Variants in TRRAP observed in about 807,000 individuals in gnomAD.
TRRAP encodes transformation/transcription domain associated protein, also known as transformation/transcription domain-associated protein.
A neutral mutation model predicts 438.8 loss-of-function variants in TRRAP; 41 were observed. The observed-to-expected ratio is 0.09, with a 90% CI of 0.07 to 0.12. The LOEUF (loss-of-function observed/expected upper bound fraction) is 0.12. Among genes scored for constraint, TRRAP ranks in the 10% least tolerant of loss-of-function variants. The pLI, the probability that TRRAP is intolerant of heterozygous loss-of-function variation, is 1.00. For missense variants in TRRAP, 3,122 were observed against 5,055.1 expected, an observed-to-expected ratio of 0.62 and a Z score of 11.60; for synonymous variants, 1,994 against 1,962.9, an observed-to-expected ratio of 1.02 and a Z score of -0.42.
chr7:98,918,584 A>G (rs1789635335), intron 20 of TRRAP, among the ~76,000 whole-genome samples: 1 of 152,064 alleles, frequency 6.6e-6, no homozygotes, highest in Admixed American at 6.6e-5. Flanking sequence ...TGGTTACTAT[A>G]CGGCCACCAT....
At chr7:98,960,631 G>A (rs537465908) in intron 45 of TRRAP, among the ~76,000 whole-genome samples, 10 of 151,892 alleles carry the variant, frequency 6.6e-5, no homozygotes, top group African/African-American at 1.4e-4. Flanking sequence ...TCACTCTGTC[G>A]CCCAGGCTGG....
At position 98,988,948 on chromosome 7, in the gene TRRAP, G is replaced by A. The variant is rs756364024; in HGVS notation, c.9573G>A (p.Ser3191=). 283 of 1,613,600 alleles carry A rather than the reference G, an allele frequency of 1.8e-4. No homozygotes were observed. The highest frequency in any genetic ancestry group is 2.3e-4 in the Non-Finnish European group (275 of 1,179,894). The change falls in exon 63 of 73, where the codon TCG becomes TCA. Residue 3191 remains serine, a synonymous_variant. Transcript: ENST00000456197. Reference sequence around the variant, plus strand: ...GCCGGCATCAGAACGAGAGCAAATCGAGGAAATACTTAGCCAAGGTGAGAC... The same window carrying A: ...GCCGGCATCAGAACGAGAGCAAATCAAGGAAATACTTAGCCAAGGTGAGAC... ...HACRHQNESK[S]RKYLAKVLWL...
chr7:98,949,600 GC>G lies in TRRAP; in HGVS notation c.4953+24del. Reference sequence around the variant, plus strand: ...CATCAAGGTAGCGCCCCTTCCTCCAGCCCCCAATGCCCAGGGGTTTAATCGA... The same window carrying G: ...CATCAAGGTAGCGCCCCTTCCTCCAGCCCCAATGCCCAGGGGTTTAATCGA... On this transcript the variant is annotated intron_variant, in intron 36 of 72. Transcript: ENST00000456197. 6.3e-7 allele frequency: 1 copy of G among 1,584,378 alleles called. No individual in the cohort carries two copies. Among genetic ancestry groups the G allele is most frequent in the Admixed American group, 1.8e-5 (1 of 55,882 alleles).
At chr7:98,905,932 T>A (rs1465335179) in intron 12 of TRRAP, among the ~76,000 whole-genome samples, 1 of 152,162 alleles carries the variant, frequency 6.6e-6, no homozygotes, top group Non-Finnish European at 1.5e-5. Context: ...TTATTCTTAA[T>A]TTGATCTCTG....
At chr7:98,914,718 CA>C (rs71118646) in intron 18 of TRRAP, among the ~76,000 whole-genome samples, 894 of 41,214 alleles carry the variant, frequency 0.022, no homozygotes, top group South Asian at 0.051. Context: ...GACCCTGTCT[CA>C]AAAAAAAAAA....
intron 12 of TRRAP, among the ~76,000 whole-genome samples, chr7:98,904,551 A>G (rs1185938900): frequency 6.6e-6 from 1 of 151,598 alleles, no homozygotes; most frequent in Non-Finnish European, 1.5e-5. Flanking sequence ...CCGTTACTGT[A>G]CAAGCTAGCC....
rs1554417360 is a variant in TRRAP, at chr7:98,948,348, C to T, written c.4668+8C>T. The T allele has an allele frequency of 1.9e-6, 3 of 1,614,108 alleles. No homozygotes were observed. Among genetic ancestry groups the T allele is most frequent in the Non-Finnish European group, 1.7e-6 (2 of 1,180,014 alleles). ...CGGGCGATGCTGATCGAGGTAAGGG[C>T]CATACTGAAGGCTGCTTCTCGCTCT... On this transcript the variant is annotated splice_region_variant and intron_variant, in intron 34 of 72. Transcript: ENST00000456197. This position sits in a 1 kb window ranked among gnomAD's most constrained non-coding sequence, Gnocchi z 4.9.
chr7:98,889,512 A>G (rs1795866482), intron 3 of TRRAP, among the ~76,000 whole-genome samples: 1 of 150,544 alleles, frequency 6.6e-6, no homozygotes, highest in Admixed American at 6.7e-5. Context: ...TAGTATCTTC[A>G]TGCTGTAGTT....
In TRRAP at chr7:98,976,120, A is replaced by G. The variant is rs752860335; in HGVS notation, c.7840-29A>G. 6.2e-7 allele frequency: 1 copy of G among 1,612,286 alleles called. No homozygotes were observed. Among genetic ancestry groups the G allele is most frequent in the Non-Finnish European group, 8.5e-7 (1 of 1,178,992 alleles). On this transcript the variant is annotated intron_variant, in intron 53 of 72. Coordinates refer to ENST00000456197, the MANE Select transcript of TRRAP (RefSeq NM_001375524.1). This position sits in a 1 kb window ranked among gnomAD's most constrained non-coding sequence, Gnocchi z 4.6. Reference sequence around the variant, plus strand: ...TGCGAGGCACCCCCAGCCCGTGGCCATCTCAGCCTGTTGTCTTTCTGTTCA... The same window carrying G: ...TGCGAGGCACCCCCAGCCCGTGGCCGTCTCAGCCTGTTGTCTTTCTGTTCA...
Position 98,908,650 on chromosome 7 carries a change from A to G in TRRAP, c.1116-78A>G. ...CCCAGGGGTGGTGTTCCTGGGGCAG[A>G]TGGTGATATCCTTGGTGGCCTGCTG... On this transcript the variant is annotated intron_variant, in intron 13 of 72. Coordinates refer to ENST00000456197, the MANE Select transcript of TRRAP (RefSeq NM_001375524.1). This position sits in a 1 kb window ranked among gnomAD's most constrained non-coding sequence, Gnocchi z 4.1. 3 of 1,337,618 alleles carry G rather than the reference A, an allele frequency of 2.2e-6. No homozygotes were observed. The highest frequency in any genetic ancestry group is 2.0e-5 in the Admixed American group (1 of 49,798). 82.9% of individuals were successfully genotyped at this position (1,337,618 alleles called of 1,614,324 possible). A position where few individuals can be genotyped will look rare whatever the true frequency, so the allele number is the denominator to read the frequency against.
At position 98,937,703 on chromosome 7, in the gene TRRAP, T is replaced by G; in HGVS notation, c.4287T>G (p.Pro1429=). ...ATCAAATCCACACACATATGCGACC[T>G]TTGCTGATGATGCTGGGAGATTACC... ...EVDQIHTHMR[P]LLMMLGDYRS... Residue 1429 remains proline (P), a synonymous_variant, in exon 30 of 73, where the codon CCT becomes CCG. Coordinates refer to ENST00000456197, the MANE Select transcript of TRRAP (RefSeq NM_001375524.1). 1 of 1,614,044 alleles carries G rather than the reference T, an allele frequency of 6.2e-7. No individual in the cohort carries two copies. Among genetic ancestry groups the G allele is most frequent in the Non-Finnish European group, 8.5e-7 (1 of 1,179,958 alleles).
intron 59 of TRRAP, 53 bp downstream of exon 59, chr7:98,982,013 C>G (rs772912702): frequency 2.1e-6 from 3 of 1,449,776 alleles, no homozygotes; most frequent in Non-Finnish European, 2.7e-6. Flanking sequence ...CGCAGCCAAG[C>G]GCCGGTGTCC....
Position 98,880,162 on chromosome 7 carries a change from A to T in TRRAP, c.-61-928A>T, listed in dbSNP as rs1554402794. ...TGCTGCTTGGGAGCCCACCTTTGGC[A>T]CTTGGGGATTTTGATGTCCGCTGAA... On this transcript the variant is annotated intron_variant, in intron 1 of 72. Transcript: ENST00000456197. Among the ~76,000 whole-genome samples, 3 of 151,704 alleles carry T rather than the reference A, an allele frequency of 2.0e-5. No homozygotes were observed. The South Asian group carries it at 6.2e-4, about 31-fold the overall frequency.
intron 19 of TRRAP, among the ~76,000 whole-genome samples, chr7:98,917,111 C>T (rs1487962151): frequency 6.6e-6 from 1 of 152,130 alleles, no homozygotes; most frequent in Non-Finnish European, 1.5e-5. Context: ...TAGACCTCAA[C>T]TGTGGTTTAC....
chr7:98,979,368 A>G (rs1792811037), intron 58 of TRRAP, among the ~76,000 whole-genome samples: 1 of 152,192 alleles, frequency 6.6e-6, no homozygotes, highest in African/African-American at 2.4e-5. Flanking sequence ...GGTTCTTTAA[A>G]TCCTGTCTAG....
intron 33 of TRRAP, among the ~76,000 whole-genome samples, chr7:98,946,333 C>CACT (rs1791054989): frequency 6.6e-6 from 1 of 152,182 alleles, no homozygotes; most frequent in African/African-American, 2.4e-5. Flanking sequence ...TGTTCTTTCA[C>CACT]ACTACTGACT....
At chr7:98,933,191 G>T (rs782124871) in intron 26 of TRRAP, 50 bp from the exon 27 acceptor site, 1 of 1,531,210 alleles carries the variant, frequency 6.5e-7, no homozygotes, top group South Asian at 1.2e-5. Flanking sequence ...AAAAGTGTTT[G>T]TGTCTCAAGG....
chr7:98,932,737 C>T (rs1300821753), intron 26 of TRRAP, among the ~76,000 whole-genome samples: 1 of 152,126 alleles, frequency 6.6e-6, no homozygotes, highest in African/African-American at 2.4e-5. Context: ...AATGTAAATG[C>T]TATGTAAATA....
intron 30 of TRRAP, among the ~76,000 whole-genome samples, chr7:98,939,633 C>T (rs578234593): frequency 1.3e-5 from 2 of 152,322 alleles, no homozygotes; most frequent in East Asian, 1.9e-4. Context: ...TCCATATATT[C>T]CATATATTCA....
Sources: gnomAD v4.1 joint callset for allele counts (sites outside exome capture counted in the v4.1 genomes callset) on GRCh38, gnomAD v4.1.1 for gene constraint, Gnocchi (gnomAD v3.1) non-coding constraint, MANE v1.5 for transcripts, NCBI Gene and HGNC (gene_info 2026-07-23, HGNC 2026-07-21) for gene names.